Variants in BICD1 observed in about 807,000 individuals in gnomAD.
BICD1 encodes BICD cargo adaptor 1.
BICD1 carries 35 observed loss-of-function variants against 92.5 expected under a neutral mutation model. That is an observed-to-expected ratio of 0.38 (90% CI 0.29 to 0.50). BICD1 has a LOEUF of 0.50. Ranked by LOEUF, BICD1 falls within the 20% of genes least tolerant of loss-of-function variation. BICD1 has a pLI of 0.93. For missense variants in BICD1, 950 were observed against 1,189.8 expected (o/e 0.80, Z 2.97); for synonymous variants, 429 against 465.1 (o/e 0.92, Z 1.00).
intron 8 of BICD1, among the ~76,000 whole-genome samples, chr12:32,351,165 A>T (rs1224321279): frequency 2.8e-5 from 1 of 35,484 alleles, no homozygotes; most frequent in African/African-American, 1.7e-4. Context: ...ATAATTACTT[A>T]AAAAAAAAAA....
intron 2 of BICD1, among the ~76,000 whole-genome samples, chr12:32,220,784 C>T (rs1196037374): frequency 3.6e-5 from 5 of 137,644 alleles, no homozygotes; most frequent in African/African-American, 1.4e-4. Context: ...GCTATAAAGA[C>T]ACATGCACAC....
chr12:32,182,715 G>A (rs939082160), intron 1 of BICD1, among the ~76,000 whole-genome samples: 1 of 151,710 alleles, frequency 6.6e-6, no homozygotes, highest in African/African-American at 2.4e-5. Context: ...CATAATGGTA[G>A]TATTTTTATT....
intron 8 of BICD1, among the ~76,000 whole-genome samples, chr12:32,351,223 C>T (rs7397498): frequency 0.52 from 78,022 of 149,760 alleles, 20,699 homozygotes; most frequent in African/African-American, 0.64. Context: ...TGGTGGCTCA[C>T]GCCTGTAATC....
At chr12:32,221,181 C>T (rs185838045) in intron 2 of BICD1, among the ~76,000 whole-genome samples, 2,495 of 151,140 alleles carry the variant, frequency 0.017, 65 homozygotes, top group African/African-American at 0.055. Context: ...CAGCATGGCA[C>T]ATGTATACAT....
At chr12:32,145,553 T>G (rs972065929) in intron 1 of BICD1, among the ~76,000 whole-genome samples, 1 of 152,208 alleles carries the variant, frequency 6.6e-6, no homozygotes, top group African/African-American at 2.4e-5. Flanking sequence ...AATTACAATA[T>G]GTTACTATTA....
At chr12:32,366,358 G>A (rs554468008) in intron 8 of BICD1, among the ~76,000 whole-genome samples, 4 of 152,302 alleles carry the variant, frequency 2.6e-5, no homozygotes, top group South Asian at 4.1e-4. Flanking sequence ...AGTGGCTCAC[G>A]CCTGTAATCC....
At chr12:32,302,128 C>T (rs559118511) in intron 3 of BICD1, among the ~76,000 whole-genome samples, 3 of 152,162 alleles carry the variant, frequency 2.0e-5, no homozygotes, top group Admixed American at 1.3e-4. Flanking sequence ...CCTCGTGATC[C>T]GCCCGCCTCA....
rs1432985603 is a variant in BICD1, at chr12:32,184,886, C to A, written c.214-31361C>A. On this transcript the variant is annotated intron_variant, in intron 1 of 9. Coordinates refer to ENST00000652176, the MANE Select transcript of BICD1 (RefSeq NM_001714.4). ...CTTATTAGCTATATGCCTACAGAAC[C>A]AATTTTGTGGTTTTCAATATGATAT... 2.6e-5 allele frequency among the ~76,000 whole-genome samples: 4 copies of A among 152,104 alleles called. No homozygotes were observed. In the East Asian group the frequency reaches 7.7e-4, roughly 29 times the overall value.
intron 2 of BICD1, among the ~76,000 whole-genome samples, chr12:32,265,715 A>ATT (rs199946384): frequency 1.1e-4 from 9 of 84,682 alleles, no homozygotes; most frequent in African/African-American, 5.5e-4. Flanking sequence ...GCGAGATCCT[A>ATT]TTTAAAAAAA....
intron 1 of BICD1, among the ~76,000 whole-genome samples, chr12:32,157,601 G>A (rs1361202618): frequency 6.6e-6 from 1 of 152,108 alleles, no homozygotes; most frequent in African/African-American, 2.4e-5. Flanking sequence ...ATTCCTGGGT[G>A]CCCAAGGATA....
At chr12:32,163,628 T>C (rs1486890045) in intron 1 of BICD1, among the ~76,000 whole-genome samples, 1 of 152,226 alleles carries the variant, frequency 6.6e-6, no homozygotes, top group African/African-American at 2.4e-5. Context: ...AATGGCTTGA[T>C]AGTCTTTTAT....
intron 2 of BICD1, among the ~76,000 whole-genome samples, chr12:32,222,028 T>TA (rs1176483667): frequency 1.2e-4 from 19 of 152,190 alleles, no homozygotes; most frequent in Admixed American, 1.2e-3. Flanking sequence ...TAAACTAAAC[T>TA]AAAATCCACA....
intron 4 of BICD1, among the ~76,000 whole-genome samples, chr12:32,325,806 G>A (rs943953291): frequency 2.6e-5 from 4 of 152,050 alleles, no homozygotes; most frequent in Non-Finnish European, 5.9e-5. Flanking sequence ...CAGGCGCGGT[G>A]GCTCACGCCT....
At chr12:32,326,080 CAAAAAAA>C (rs372956491) in intron 4 of BICD1, among the ~76,000 whole-genome samples, 5 of 66,498 alleles carry the variant, frequency 7.5e-5, no homozygotes, top group Admixed American at 2.0e-4. Flanking sequence ...GACTCCATCT[CAAAAAAA>C]AAAAAAAAAA....
intron 2 of BICD1, among the ~76,000 whole-genome samples, chr12:32,289,426 G>C (rs1009663209): frequency 3.3e-5 from 5 of 152,114 alleles, no homozygotes; most frequent in African/African-American, 1.2e-4. Context: ...TTGCTCTGTT[G>C]CCAGGCTGAA....
chr12:32,282,600 T>C (rs900910551), intron 2 of BICD1, among the ~76,000 whole-genome samples: 2 of 152,022 alleles, frequency 1.3e-5, no homozygotes, highest in African/African-American at 4.8e-5. Flanking sequence ...CAAGGAGGTA[T>C]CTAAAGCTGG....
intron 1 of BICD1, among the ~76,000 whole-genome samples, chr12:32,198,616 G>A (rs550866584): frequency 3.4e-5 from 5 of 146,298 alleles, no homozygotes; most frequent in East Asian, 2.0e-4. Context: ...CCACTTCCTC[G>A]TTAGTTTTTT....
At chr12:32,283,211 G>T (rs144837195) in intron 2 of BICD1, among the ~76,000 whole-genome samples, 2 of 152,294 alleles carry the variant, frequency 1.3e-5, no homozygotes, top group African/African-American at 4.8e-5. Context: ...CCACTGGACA[G>T]TATTTACAGC....
intron 1 of BICD1, among the ~76,000 whole-genome samples, chr12:32,164,299 G>T (rs1943688959): frequency 6.6e-6 from 1 of 152,064 alleles, no homozygotes; most frequent in African/African-American, 2.4e-5. Context: ...TTGATTTATT[G>T]TTATATTTTT....
Sources: allele counts gnomAD v4.1 joint callset (sites outside exome capture counted in the v4.1 genomes callset), GRCh38; gene constraint gnomAD v4.1.1; transcripts MANE v1.5; gene names NCBI Gene and HGNC (gene_info 2026-07-23, HGNC 2026-07-21).